ADCY4: variants seen among roughly 807,000 people sequenced by gnomAD.
ADCY4 encodes adenylate cyclase type 4.
ADCY4 carries 111 observed loss-of-function variants against 125.5 expected under a neutral mutation model. That is an observed-to-expected ratio of 0.88 (90% CI 0.76 to 1.04). The LOEUF (loss-of-function observed/expected upper bound fraction) is 1.04, where lower values mean the gene tolerates loss of function less well. Among genes scored for constraint, ADCY4 ranks in the 50% least tolerant of loss-of-function variants. ADCY4 has a pLI of 0.00. For missense variants in ADCY4, 1,256 were observed against 1,382.9 expected, an observed-to-expected ratio of 0.91 and a Z score of 1.46; for synonymous variants, 576 against 586.9, an observed-to-expected ratio of 0.98 and a Z score of 0.27.
intron 14 of ADCY4, 89 bp downstream of exon 14, chr14:24,325,288 G>T: frequency 9.3e-7 from 1 of 1,077,644 alleles, no homozygotes; most frequent in Non-Finnish European, 1.4e-6. Flanking sequence ...AAGGGGAAGG[G>T]GTGAAGGAAG....
At chr14:24,326,052 C>T (rs11622863) in intron 12 of ADCY4, 27 bp downstream of exon 12, 1,301,836 of 1,562,478 alleles carry the variant, frequency 0.83, 553,282 homozygotes, top group Non-Finnish European at 0.89. Context: ...GGCCTGCGGC[C>T]CCCCCAGCCC....
intron 1 of ADCY4, among the ~76,000 whole-genome samples, chr14:24,334,215 GT>G (rs1171095617): frequency 6.6e-6 from 1 of 152,128 alleles, no homozygotes; most frequent in Non-Finnish European, 1.5e-5. Flanking sequence ...GGAAAATCCG[GT>G]GATGGATTTA....
rs1393568776 is a variant in ADCY4, at chr14:24,318,583, G to T, written c.3082-15C>A. 6.2e-7 allele frequency: 1 copy of T among 1,613,992 alleles called. No homozygotes were observed. Among genetic ancestry groups the T allele is most frequent in the African/African-American group, 1.3e-5 (1 of 74,888 alleles). On this transcript the variant is annotated splice_polypyrimidine_tract_variant and intron_variant, in intron 24 of 24. Transcript: ENST00000418030. ...TCCTCAGTCACCTACAATTGGAGGG[G>T]GGCGAGGGAATATGGAGGTGGCCCT...
chr14:24,324,375 T>C lies in ADCY4; in HGVS notation c.1840A>G (p.Ile614Val), dbSNP rs926368057. 14 of 1,614,022 alleles carry C rather than the reference T, an allele frequency of 8.7e-6. No homozygotes were observed. The highest frequency in any genetic ancestry group is 1.2e-5 in the Non-Finnish European group (14 of 1,179,968). The change falls in exon 15 of 25, where the codon ATC becomes GTC. Residue 614 changes from isoleucine (I) to valine (V), a missense_variant. Transcript: ENST00000418030. ...LVTNRPPALA[I>V]TYSITFLLFL... ...AGGAGGAAGGTGATGCTATACGTGA[T>C]GGCCAGAGCTGGGGGCCTGAAGGGA...
chr14:24,329,983 A>G lies in ADCY4; in HGVS notation c.1094T>C (p.Met365Thr). The G allele has an allele frequency of 1.2e-6, 2 of 1,614,050 alleles. No individual in the cohort carries two copies. Among genetic ancestry groups the G allele is most frequent in the Non-Finnish European group, 1.7e-6 (2 of 1,179,970 alleles). Residue 365 changes from methionine to threonine, a missense_variant, in exon 8 of 25, where the codon ATG becomes ACG. By Grantham distance (81) the Met-to-Thr change is moderately conservative (BLOSUM62 -1). Coordinates refer to ENST00000418030, the MANE Select transcript of ADCY4 (RefSeq NM_001198568.2). ...LRAATGVDIN[M>T]RVGVHSGSVL... is the part of the protein sequence containing the mutation. ...GCTGCCTGAGTGCACGCCCACACGCATGTTGATGTCCACGCCAGTGGCTGC... is the reference window on the plus strand; with the variant it reads ...GCTGCCTGAGTGCACGCCCACACGCGTGTTGATGTCCACGCCAGTGGCTGC...
intron 3 of ADCY4, 41 bp from the exon 4 acceptor site, chr14:24,331,978 T>A (rs765529945): frequency 3.4e-6 from 5 of 1,489,590 alleles, no homozygotes; most frequent in Non-Finnish European, 4.5e-6. Context: ...GGGACCCGGG[T>A]GCTTGTCGTG....
chr14:24,318,867 G>T (rs1038532741), intron 23 of ADCY4, 89 bp from the exon 24 acceptor site: 14 of 1,576,568 alleles, frequency 8.9e-6, no homozygotes, highest in Non-Finnish European at 1.2e-5. Flanking sequence ...GAAGAGCCTG[G>T]GGGGCCCTAG....
rs2041825587 is a variant in ADCY4 at position 24,319,838 on chromosome 14, G to T, written c.2637C>A (p.Val879=). ...CAGAGTAGAACTCCTTGAAGTCTGG[G>T]ACTGAGGCGAAGAGGACACAAACGC... is the stretch of plus-strand genomic sequence containing the variant. ...YECVCVLFAS[V]PDFKEFYSES... The change falls in exon 21 of 25, where the codon GTC becomes GTA. Residue 879 remains valine (V), a synonymous_variant. Transcript: ENST00000418030. This position sits in a 1 kb window ranked among gnomAD's most constrained non-coding sequence, Gnocchi z 4.5. 3 of 1,613,982 alleles carry T rather than the reference G, an allele frequency of 1.9e-6. No homozygotes were observed. The highest frequency in any genetic ancestry group is 2.5e-6 in the Non-Finnish European group (3 of 1,180,030).
intron 10 of ADCY4, among the ~76,000 whole-genome samples, chr14:24,328,287 C>A (rs959205833): frequency 2.0e-5 from 3 of 151,980 alleles, no homozygotes; most frequent in African/African-American, 7.3e-5. Context: ...TGCTCCTCCA[C>A]CTCTTGTGGA....
chr14:24,331,409 C>T (rs2042039052), intron 4 of ADCY4, 53 bp from the exon 5 acceptor site: 1 of 1,603,168 alleles, frequency 6.2e-7, no homozygotes, highest in Non-Finnish European at 8.5e-7. Context: ...AGCCAGGAGG[C>T]CCTGTCCCCC....
At position 24,334,630 on chromosome 14, in the gene ADCY4, CG is replaced by C; in HGVS notation, c.22del (p.Arg8GlyfsTer16). On this transcript the variant is annotated frameshift_variant, in exon 1 of 25. Coordinates refer to ENST00000418030, the MANE Select transcript of ADCY4 (RefSeq NM_001198568.2). LOFTEE classifies it high-confidence loss of function. MARLFSPRPPPSEDLFYE... is the reference protein window; with the variant it reads MARLFSPXPPPSEDLFYE... ...GAAGAGGTCTTCGCTGGGGGGCGGC[CG>C]GGGGCTGAAGAGGCGGGCCATGATC... 3 of 1,553,840 alleles carry C rather than the reference CG, an allele frequency of 1.9e-6. No individual in the cohort carries two copies. The highest frequency in any genetic ancestry group is 8.7e-7 in the Non-Finnish European group (1 of 1,151,720).
chr14:24,321,805 CA>C (rs1487769008), intron 20 of ADCY4: 1 of 1,185,590 alleles, frequency 8.4e-7, no homozygotes, highest in Non-Finnish European at 1.0e-6. Flanking sequence ...AGACAGCTCC[CA>C]TCAACGCCTA....
At chr14:24,332,338 C>T (rs899671213) in intron 3 of ADCY4, 184 bp downstream of exon 3, 2 of 648,824 alleles carry the variant, frequency 3.1e-6, no homozygotes, top group South Asian at 4.9e-5. Context: ...GGCCTGGATC[C>T]CTCTTCTGGT....
rs1447016026 is a variant in ADCY4, at chr14:24,332,541, C to T, written c.500G>A (p.Arg167Gln). The T allele has an allele frequency of 4.5e-6, 7 of 1,570,352 alleles. No homozygotes were observed. The highest frequency in any genetic ancestry group is 6.0e-6 in the Non-Finnish European group (7 of 1,157,898). The stretch of plus-strand genomic sequence containing the variant: ...GCTCACCTGCGGCAGCAGTGCAGGC[C>T]GTGAGTCCGGCTGTGGCCCAAGATA... ...GLYLGPQPDS[R>Q]PALLPQLAAN... The change falls in exon 3 of 25, where the codon CGG (arginine) becomes CAG (glutamine). Residue 167 changes from arginine (R) to glutamine (Q), a missense_variant. By Grantham distance (43) the Arg-to-Gln change is conservative. Transcript: ENST00000418030.
chr14:24,325,409 G>T lies in ADCY4; in HGVS notation c.1791C>A (p.Ser597=), dbSNP rs781537960. 2 of 1,613,638 alleles carry T rather than the reference G, an allele frequency of 1.2e-6. No individual in the cohort carries two copies. The highest frequency in any genetic ancestry group is 1.3e-5 in the African/African-American group (1 of 74,686). ...YEACTFLVFL[S]NFIIQMLVTN... is the part of the protein sequence containing the mutation. Reference sequence around the variant, plus strand: ...TCACTAGCATCTGGATGATGAAGTTGGAGAGAAAAACCAGGAAGGTGCAGG... The same window carrying T: ...TCACTAGCATCTGGATGATGAAGTTTGAGAGAAAAACCAGGAAGGTGCAGG... Residue 597 remains serine (S), a synonymous_variant, in exon 14 of 25, where the codon TCC becomes TCA. Coordinates refer to ENST00000418030, the MANE Select transcript of ADCY4 (RefSeq NM_001198568.2).
At chr14:24,325,578 G>A in intron 13 of ADCY4, 104 bp from the exon 14 acceptor site, 1 of 1,078,454 alleles carries the variant, frequency 9.3e-7, no homozygotes, top group Middle Eastern at 2.7e-4. Flanking sequence ...TCACCGCCCA[G>A]GCTCCAGTTC....
In ADCY4 at chr14:24,332,747, G is replaced by T. The variant is rs533222814; in HGVS notation, c.357+44C>A. 4.6e-6 allele frequency: 7 copies of T among 1,537,900 alleles called. 1 individual carries two copies. In the East Asian group the frequency reaches 1.7e-4, roughly 37 times the overall value. ...GCTATTCAAGGCCTGGTGAGGGATC[G>T]AAGCCCGGGCCGTCCCCGCTGCCCC... On this transcript the variant is annotated intron_variant, in intron 2 of 24. Transcript: ENST00000418030.
chr14:24,326,730 A>T (rs2041952396), intron 10 of ADCY4, among the ~76,000 whole-genome samples: 2 of 151,892 alleles, frequency 1.3e-5, no homozygotes, highest in Non-Finnish European at 2.9e-5. Flanking sequence ...GGTGGCTGGG[A>T]TTACAGGCAT....
At chr14:24,322,336 T>C (rs2041865530) in intron 19 of ADCY4, 112 bp from the exon 20 acceptor site, 2 of 1,231,826 alleles carry the variant, frequency 1.6e-6, no homozygotes, top group Non-Finnish European at 2.3e-6. Context: ...CCACCCCCAG[T>C]TTAGAAGTAG....
Sources: allele counts gnomAD v4.1 joint callset (sites outside exome capture counted in the v4.1 genomes callset), GRCh38; gene constraint gnomAD v4.1.1; non-coding constraint Gnocchi (gnomAD v3.1); transcripts MANE v1.5; gene names NCBI Gene and HGNC (gene_info 2026-07-23, HGNC 2026-07-21).